Variants in ZNF384 observed in about 807,000 individuals in gnomAD.
ZNF384 encodes the protein zinc finger protein 384.
A neutral mutation model predicts 65.0 loss-of-function variants in ZNF384; 20 were observed. The observed-to-expected ratio is 0.31, with a 90% CI of 0.22 to 0.45. The LOEUF is 0.45. Ranked by LOEUF, ZNF384 falls within the 20% of genes least tolerant of loss-of-function variation. ZNF384 has a pLI of 1.00. For synonymous variants in ZNF384, 310 were observed against 303.9 expected (o/e 1.02, Z -0.21); for missense variants, 549 against 769.4 (o/e 0.71, Z 3.39).
Position 6,679,176 on chromosome 12 carries a change from T to G in ZNF384, c.74A>C (p.Asn25Thr). 6.3e-7 allele frequency: 1 copy of G among 1,576,676 alleles called. No individual in the cohort carries two copies. The highest frequency in any genetic ancestry group is 2.2e-5 in the East Asian group (1 of 44,512). Reference protein sequence around the residue: ...SIPTVSGQIENTMFINKMKDQ... With the variant: ...SIPTVSGQIETTMFINKMKDQ... ...CTTCATCTTGTTGATGAACATTGTGTTCTCGATCTAAGAGAAAAGGAAGGG... is the reference window on the plus strand; with the variant it reads ...CTTCATCTTGTTGATGAACATTGTGGTCTCGATCTAAGAGAAAAGGAAGGG... Residue 25 changes from asparagine (N) to threonine (T), a missense_variant, in exon 4 of 12, where the codon AAC becomes ACC. This residue lies in a region of ZNF384 where 277 missense variants were observed against 337.2 expected (regional missense o/e 0.82). Coordinates refer to ENST00000683879, the MANE Select transcript of ZNF384 (RefSeq NM_001385745.1).
chr12:6,677,908 G>A (rs985639861), intron 6 of ZNF384, among the ~76,000 whole-genome samples: 2 of 152,056 alleles, frequency 1.3e-5, no homozygotes, highest in African/African-American at 4.8e-5. Context: ...CCAAAACAAG[G>A]GTTAAAAAAA....
chr12:6,684,176 G>GA (rs1957111035), intron 2 of ZNF384, among the ~76,000 whole-genome samples: 1 of 152,164 alleles, frequency 6.6e-6, no homozygotes, highest in Non-Finnish European at 1.5e-5. Context: ...TTGAAATGAG[G>GA]AAACTGGAGG....
At chr12:6,688,360 G>A (rs530457224) in intron 1 of ZNF384, 134 bp from the exon 2 acceptor site, 7 of 152,482 alleles carry the variant, frequency 4.6e-5, no homozygotes, top group African/African-American at 1.4e-4. Flanking sequence ...ATCCAAAGAC[G>A]GGTGGATATA....
Position 6,667,439 on chromosome 12 carries a change from G to A in ZNF384, c.*275C>T. 1.8e-6 allele frequency: 1 copy of A among 563,024 alleles called. No homozygotes were observed. Among genetic ancestry groups the A allele is most frequent in the Non-Finnish European group, 3.2e-6 (1 of 313,590 alleles). 34.9% of individuals were successfully genotyped at this position (563,024 alleles called of 1,614,324 possible). A position where few individuals can be genotyped will look rare whatever the true frequency, so the allele number is the denominator to read the frequency against. ...AGGTCATAGCAAATCCTTCCCTTGA[G>A]CACCGACCCCCAGTTTTAGAAGCTT... is the stretch of plus-strand genomic sequence containing the variant. On this transcript the variant is annotated 3_prime_UTR_variant, in exon 12 of 12. Coordinates refer to ENST00000683879, the MANE Select transcript of ZNF384 (RefSeq NM_001385745.1).
rs375494354 is a variant in ZNF384, at chr12:6,677,341, CCT to C, written c.687-84_687-83del. ...AGACTCCCAGCCATGCACATCTGCC[CCT>C]GTCTATATCAAAGCTGTGACAGTAG... On this transcript the variant is annotated intron_variant, in intron 6 of 11. Transcript: ENST00000683879. The C allele has an allele frequency of 1.7e-4, 205 of 1,222,754 alleles. No homozygotes were observed. The African/African-American group carries it at 2.6e-3, about 15-fold the overall frequency. The allele number at this position is 1,222,754 out of a possible 1,614,324, so 75.7% of individuals were successfully genotyped here. A position where few individuals can be genotyped will look rare whatever the true frequency, so the allele number is the denominator to read the frequency against.
In ZNF384 at chr12:6,673,294, T is replaced by C; in HGVS notation, c.926A>G (p.His309Arg). The change falls in exon 8 of 12, where the codon CAC becomes CGC. Residue 309 changes from histidine to arginine, a missense_variant. Around this residue, in one of 5 missense-constraint regions of ZNF384, gnomAD observed 39 missense variants for 85.8 expected, o/e 0.45. Coordinates refer to ENST00000683879, the MANE Select transcript of ZNF384 (RefSeq NM_001385745.1). This position sits in a 1 kb window ranked among gnomAD's most constrained non-coding sequence, Gnocchi z 4.7. Reference protein sequence around the residue: ...SSYLAQHIRIHSGAKPYSCNF... With the variant: ...SSYLAQHIRIRSGAKPYSCNF... ...ACAACTGTAGGGCTTAGCCCCTGAG[T>C]GTATACGGATGTGCTGGGCCAGGTA... 1 of 1,613,698 alleles carries C rather than the reference T, an allele frequency of 6.2e-7. No individual in the cohort carries two copies. The highest frequency in any genetic ancestry group is 8.5e-7 in the Non-Finnish European group (1 of 1,179,982).
intron 9 of ZNF384, chr12:6,671,376 A>G (rs927395936): frequency 2.6e-5 from 4 of 154,310 alleles, no homozygotes; most frequent in African/African-American, 9.6e-5. Context: ...CCCTAATGAC[A>G]GGAAATGCCT....
intron 9 of ZNF384, 132 bp from the exon 10 acceptor site, chr12:6,670,970 C>G (rs1177769739): frequency 4.3e-6 from 3 of 702,356 alleles, no homozygotes; most frequent in Non-Finnish European, 7.3e-6. Flanking sequence ...AGGCACCAGC[C>G]TTCCTCTCTG....
At chr12:6,688,483 G>A (rs1958769937) in intron 1 of ZNF384, 1 of 152,348 alleles carries the variant, frequency 6.6e-6, no homozygotes, top group African/African-American at 2.4e-5. Context: ...TAGGCTCAGA[G>A]ACTGGTCCTT....
At position 6,667,600 on chromosome 12, in the gene ZNF384, A is replaced by G. The variant is rs2136327409; in HGVS notation, c.*114T>C. The G allele has an allele frequency of 2.2e-6, 3 of 1,384,632 alleles. No individual in the cohort carries two copies. Among genetic ancestry groups the G allele is most frequent in the Non-Finnish European group, 3.1e-6 (3 of 980,418 alleles). 85.8% of individuals were successfully genotyped at this position (1,384,632 alleles called of 1,614,324 possible). On this transcript the variant is annotated 3_prime_UTR_variant, in exon 12 of 12. Transcript: ENST00000683879. ...GAAGGAAAGCCGTGACAGAGGCCCA[A>G]GGAGATGGAGCCAAGGCCTGTCAAG...
At chr12:6,675,862 A>T (rs1953314786) in intron 7 of ZNF384, among the ~76,000 whole-genome samples, 1 of 152,210 alleles carries the variant, frequency 6.6e-6, no homozygotes, top group South Asian at 2.1e-4. Flanking sequence ...CCCATTTTAT[A>T]TATGGGAACA....
intron 2 of ZNF384, among the ~76,000 whole-genome samples, chr12:6,683,965 C>G (rs1445240857): frequency 6.6e-6 from 1 of 151,564 alleles, no homozygotes; most frequent in Non-Finnish European, 1.5e-5. Flanking sequence ...TGCAGTGTGC[C>G]AAGATCGCAC....
chr12:6,680,577 G>A (rs1955541746), intron 2 of ZNF384, among the ~76,000 whole-genome samples: 1 of 151,904 alleles, frequency 6.6e-6, no homozygotes, highest in African/African-American at 2.4e-5. Context: ...GAACCGGGAG[G>A]CGGAGGTTTC....
chr12:6,675,655 G>A (rs1953222869), intron 7 of ZNF384, among the ~76,000 whole-genome samples: 1 of 152,164 alleles, frequency 6.6e-6, no homozygotes, highest in Non-Finnish European at 1.5e-5. Context: ...CCTTCCTCCA[G>A]GGGCACCATT....
chr12:6,679,599 T>C, intron 2 of ZNF384, 74 bp from the exon 3 acceptor site: 4 of 1,202,504 alleles, frequency 3.3e-6, no homozygotes, highest in Non-Finnish European at 4.9e-6. Flanking sequence ...GAAGGGGAAC[T>C]GAAGAGTTCC....
rs1949904774 is a variant in ZNF384 at position 6,666,825 on chromosome 12, A to T, written c.*889T>A. ...GAGTATAATATATTTATATATATAT[A>T]TTTATATATAAATCCGTGTCCGGCA... On this transcript the variant is annotated 3_prime_UTR_variant, in exon 12 of 12. Transcript: ENST00000683879. The T allele has an allele frequency of 5.9e-6, 1 of 170,238 alleles. No individual in the cohort carries two copies. Among genetic ancestry groups the T allele is most frequent in the African/African-American group, 2.4e-5 (1 of 41,786 alleles). The allele number at this position is 170,238 out of a possible 1,614,324, so 10.5% of individuals were successfully genotyped here.
chr12:6,681,159 C>T (rs1304697258), intron 2 of ZNF384, among the ~76,000 whole-genome samples: 2 of 147,186 alleles, frequency 1.4e-5, no homozygotes, highest in Non-Finnish European at 3.0e-5. Context: ...GCGGAGGTTG[C>T]AGTGAGCCAA....
At chr12:6,668,634 T>A (rs944404179) in intron 11 of ZNF384, among the ~76,000 whole-genome samples, 12 of 144,346 alleles carry the variant, frequency 8.3e-5, no homozygotes, top group African/African-American at 3.1e-4. Flanking sequence ...ACCCAGGAGG[T>A]GGAGGTTACA....
chr12:6,669,557 C>CTGTGGA (rs917689282), intron 10 of ZNF384, among the ~76,000 whole-genome samples: 3 of 151,342 alleles, frequency 2.0e-5, no homozygotes, highest in Non-Finnish European at 2.9e-5. Context: ...TGGAGTGCAG[C>CTGTGGA]GGCACAATCT....
Sources: allele counts gnomAD v4.1 joint callset (sites outside exome capture counted in the v4.1 genomes callset), GRCh38; gene constraint gnomAD v4.1.1; regional missense constraint gnomAD v4.1.1; non-coding constraint Gnocchi (gnomAD v3.1); transcripts MANE v1.5; gene names NCBI Gene and HGNC (gene_info 2026-07-23, HGNC 2026-07-21).